PCDHA13: variants seen among roughly 807,000 people sequenced by gnomAD.
The protein encoded by PCDHA13 is protocadherin alpha 13.
In PCDHA13, 54 loss-of-function variants were observed where a neutral mutation model predicts 64.8. The observed-to-expected ratio is 0.83, with a 90% CI of 0.67 to 1.04. The LOEUF (loss-of-function observed/expected upper bound fraction) is 1.04, where lower values mean the gene tolerates loss of function less well. Among genes scored for constraint, PCDHA13 ranks in the 50% least tolerant of loss-of-function variants. The probability of loss-of-function intolerance (pLI) is 0.00; values close to 1 mark genes in which losing one functional copy is unlikely to be tolerated. For missense variants in PCDHA13, 1,248 were observed against 1,254.3 expected (o/e 0.99, Z 0.08); for synonymous variants, 587 against 564.4 (o/e 1.04, Z -0.57).
At chr5:140,886,123 G>A (rs868933605) in intron 1 of PCDHA13, among the ~76,000 whole-genome samples, 53 of 152,236 alleles carry the variant, frequency 3.5e-4, no homozygotes, top group African/African-American at 1.2e-3. Flanking sequence ...ACATAGTTCC[G>A]TAACAACCAG....
intron 2 of PCDHA13, among the ~76,000 whole-genome samples, chr5:140,979,231 C>T (rs1203154373): frequency 6.6e-6 from 1 of 152,186 alleles, no homozygotes; most frequent in Non-Finnish European, 1.5e-5. Context: ...TCTGTAAAAT[C>T]ACAGAAACAG....
At chr5:140,902,938 C>T (rs2069876653) in intron 1 of PCDHA13, among the ~76,000 whole-genome samples, 1 of 152,186 alleles carries the variant, frequency 6.6e-6, no homozygotes. Flanking sequence ...ATATATACCA[C>T]ATTTTCTTTA....
chr5:140,966,984 G>C lies in PCDHA13; in HGVS notation c.2395-11965G>C, dbSNP rs1217682338. ...CTGGGGCTTGAGCTGCGGCGCTTGGGGCCGGGTTGCTTGCGCATCAACCAT... is the reference window on the plus strand; with the variant it reads ...CTGGGGCTTGAGCTGCGGCGCTTGGCGCCGGGTTGCTTGCGCATCAACCAT... On this transcript the variant is annotated intron_variant, in intron 1 of 3. Transcript: ENST00000289272. 21 of 1,603,802 alleles carry C rather than the reference G, an allele frequency of 1.3e-5. No homozygotes were observed. The East Asian group carries it at 4.5e-4, about 34-fold the overall frequency.
At chr5:141,005,701 CAAAAAAAAAAAAAAAAAAAA>C (rs59860837) in intron 3 of PCDHA13, among the ~76,000 whole-genome samples, 1 of 7,786 alleles carries the variant, frequency 1.3e-4, no homozygotes, top group Admixed American at 1.6e-3. Flanking sequence ...AACTCCGTCT[CAAAAAAAAAAAAAAAAAAAA>C]AAAAAAAAAA....
At chr5:140,929,390 T>C in intron 1 of PCDHA13, 1 of 1,511,570 alleles carries the variant, frequency 6.6e-7, no homozygotes, top group Non-Finnish European at 8.8e-7. Flanking sequence ...TGTTTTGAAA[T>C]ATTTCTTAGA....
Position 140,915,075 on chromosome 5 carries a change from A to T in PCDHA13, c.2394+30413A>T, listed in dbSNP as rs111889109. ...ATTCTCCTGCCTTAGCCTACTGAGTAGCTGGGACTATGGGCACGCACCACC... is the reference window on the plus strand; with the variant it reads ...ATTCTCCTGCCTTAGCCTACTGAGTTGCTGGGACTATGGGCACGCACCACC... On this transcript the variant is annotated intron_variant, in intron 1 of 3. Transcript: ENST00000289272. 7.1e-3 allele frequency among the ~76,000 whole-genome samples: 1,070 copies of T among 151,432 alleles called. 10 individuals are homozygous for T. The highest frequency in any genetic ancestry group is 0.025 in the African/African-American group (1,035 of 41,220).
In PCDHA13 at chr5:140,952,512, CATCT is replaced by C. The variant is rs2094757607; in HGVS notation, c.2395-26436_2395-26433del. ...CAGTCCTCAGTAAGTTCCTCATCTC[CATCT>C]GAGACCTCCTCAGACTGGACTTCTT... On this transcript the variant is annotated intron_variant, in intron 1 of 3. Coordinates refer to ENST00000289272, the MANE Select transcript of PCDHA13 (RefSeq NM_018904.3). 2.0e-5 allele frequency among the ~76,000 whole-genome samples: 3 copies of C among 152,242 alleles called. No individual in the cohort carries two copies. The South Asian group carries it at 6.2e-4, about 32-fold the overall frequency.
At chr5:140,993,668 A>G (rs551356894) in intron 3 of PCDHA13, among the ~76,000 whole-genome samples, 167 of 152,322 alleles carry the variant, frequency 1.1e-3, no homozygotes, top group African/African-American at 3.4e-3. Context: ...ACAATGGACC[A>G]CATATGTGAC....
chr5:140,926,538 G>A (rs155362), intron 1 of PCDHA13: 1 of 210,368 alleles, frequency 4.8e-6, no homozygotes, highest in Admixed American at 5.9e-5. Flanking sequence ...CAGCCAGCGT[G>A]GTGGTCGAGA....
At chr5:140,918,027 G>C (rs782291548) in intron 1 of PCDHA13, among the ~76,000 whole-genome samples, 2 of 152,108 alleles carry the variant, frequency 1.3e-5, no homozygotes, top group East Asian at 3.8e-4. Context: ...ACCCATGAGC[G>C]TGGAAGGTCT....
Position 140,986,130 on chromosome 5 carries a change from G to T in PCDHA13, c.2542+3567G>T, listed in dbSNP as rs150350316. ...AGATAAAGATGCCACACTCTGAAAGGATCAACAAGGGCATCACCAAGTAAT... is the reference window on the plus strand; with the variant it reads ...AGATAAAGATGCCACACTCTGAAAGTATCAACAAGGGCATCACCAAGTAAT... On this transcript the variant is annotated intron_variant, in intron 3 of 3. Coordinates refer to ENST00000289272, the MANE Select transcript of PCDHA13 (RefSeq NM_018904.3). 8.5e-5 allele frequency among the ~76,000 whole-genome samples: 13 copies of T among 152,216 alleles called. 1 individual carries two copies. The East Asian group carries it at 2.5e-3, about 29-fold the overall frequency.
intron 1 of PCDHA13, chr5:140,929,567 A>G (rs566554100): frequency 7.2e-5 from 33 of 456,594 alleles, no homozygotes; most frequent in Admixed American, 1.2e-4. Flanking sequence ...ATTTAAGAAC[A>G]ATAAAAGTAA....
chr5:140,934,995 T>G (rs1443676222), intron 1 of PCDHA13, among the ~76,000 whole-genome samples: 1 of 152,172 alleles, frequency 6.6e-6, no homozygotes, highest in East Asian at 1.9e-4. Context: ...ACACCCTGAA[T>G]CCTTTTCATG....
At chr5:140,969,224 T>A (rs782172299) in intron 1 of PCDHA13, 1 of 1,614,100 alleles carries the variant, frequency 6.2e-7, no homozygotes, top group East Asian at 2.2e-5. Context: ...ACCAGGGCCT[T>A]CGGGAGCCCA....
At chr5:140,962,270 A>T (rs2095668540) in intron 1 of PCDHA13, among the ~76,000 whole-genome samples, 1 of 152,210 alleles carries the variant, frequency 6.6e-6, no homozygotes, top group African/African-American at 2.4e-5. Context: ...TTTATAATTT[A>T]AAAAACCTCA....
At chr5:140,937,798 G>A (rs782138454) in intron 1 of PCDHA13, among the ~76,000 whole-genome samples, 1 of 151,676 alleles carries the variant, frequency 6.6e-6, no homozygotes, top group African/African-American at 2.4e-5. Flanking sequence ...TGTAGTCCCA[G>A]CTACTCGGGA....
chr5:140,905,617 G>T (rs1019062717), intron 1 of PCDHA13, among the ~76,000 whole-genome samples: 8 of 152,116 alleles, frequency 5.3e-5, no homozygotes, highest in Non-Finnish European at 1.5e-5. Context: ...TCTATAGATT[G>T]CTTTTGACAG....
At chr5:140,962,348 C>T (rs2095675606) in intron 1 of PCDHA13, among the ~76,000 whole-genome samples, 1 of 152,130 alleles carries the variant, frequency 6.6e-6, no homozygotes, top group South Asian at 2.1e-4. Flanking sequence ...AGTAAAACTC[C>T]CCCCAATACT....
At chr5:140,918,548 A>G (rs1360159345) in intron 1 of PCDHA13, among the ~76,000 whole-genome samples, 3 of 152,192 alleles carry the variant, frequency 2.0e-5, no homozygotes, top group Non-Finnish European at 4.4e-5. Context: ...TCCATGTGCA[A>G]TTGAGAAGAA....
Sources: gnomAD v4.1 joint callset for allele counts (sites outside exome capture counted in the v4.1 genomes callset) on GRCh38, gnomAD v4.1.1 for gene constraint, MANE v1.5 for transcripts, NCBI Gene and HGNC (gene_info 2026-07-23, HGNC 2026-07-21) for gene names.